Variants in CD163 observed in about 807,000 individuals in gnomAD.
CD163 encodes the protein CD163 molecule, also known as scavenger receptor cysteine-rich type 1 protein M130.
In CD163, 64 loss-of-function variants were observed where a neutral mutation model predicts 129.2. That is an observed-to-expected ratio of 0.50 (90% confidence interval 0.41 to 0.61). CD163 has a LOEUF of 0.61. Ranked by LOEUF, CD163 falls within the 20% of genes least tolerant of loss-of-function variation. CD163 has a pLI of 0.00. For missense variants in CD163, 1,061 were observed against 1,377.9 expected, an observed-to-expected ratio of 0.77 and a Z score of 3.64; for synonymous variants, 446 against 478.5, an observed-to-expected ratio of 0.93 and a Z score of 0.89.
intron 16 of CD163, among the ~76,000 whole-genome samples, chr12:7,477,459 C>T (rs931167739): frequency 4.7e-4 from 72 of 152,164 alleles, no homozygotes; most frequent in African/African-American, 1.7e-3. Flanking sequence ...AGCTGGAAAC[C>T]ATCATTCTCA....
intron 3 of CD163, among the ~76,000 whole-genome samples, chr12:7,500,762 G>A (rs144909033): frequency 3.3e-5 from 5 of 152,160 alleles, no homozygotes; most frequent in African/African-American, 1.2e-4. Flanking sequence ...AATAATTTGT[G>A]GGTCAACATA....
At chr12:7,480,839 A>T in intron 15 of CD163, 1 of 982,256 alleles carries the variant, frequency 1.0e-6, no homozygotes. Context: ...AAAAAAGTTA[A>T]ACTGTCACTT....
chr12:7,477,349 A>T (rs150471894), intron 16 of CD163, among the ~76,000 whole-genome samples: 1 of 152,236 alleles, frequency 6.6e-6, no homozygotes, highest in South Asian at 2.1e-4. Flanking sequence ...ATGCCCATCA[A>T]TGATAGACTG....
rs766987456 is a variant in CD163, at chr12:7,486,914, T to A, written c.2123A>T (p.Glu708Val). ...CTTACCTATGCAGGCCACAGCACTT[T>A]CTTCTGGAATGGTAGGCCTTGTTGG... ...LGPTRPTIPE[E>V]SAVACIESGQ... is the part of the protein sequence containing the mutation. Residue 708 changes from glutamate to valine, a missense_variant, in exon 9 of 17, where the codon GAA becomes GTA. Glu to Val is a moderately radical substitution (Grantham distance 121, BLOSUM62 -2). Transcript: ENST00000432237. 3 of 1,614,002 alleles carry A rather than the reference T, an allele frequency of 1.9e-6. No individual in the cohort carries two copies. The highest frequency in any genetic ancestry group is 2.7e-5 in the African/African-American group (2 of 74,950).
In CD163 at chr12:7,497,018, G is replaced by A. The variant is rs778516397; in HGVS notation, c.894C>T (p.Tyr298=). Residue 298 remains tyrosine, a synonymous_variant, in exon 5 of 17, where the codon TAC becomes TAT. Transcript: ENST00000432237. ...GTICDDGWDS[Y]DAAVACKQLG... ...GTTGCTTGCATGCCACAGCAGCATC[G>A]TAACTGTCCCAGCCGTCATCACATA... The A allele has an allele frequency of 6.7e-5, 108 of 1,613,922 alleles. No individual in the cohort carries two copies. Among genetic ancestry groups the A allele is most frequent in the Non-Finnish European group, 8.5e-5 (100 of 1,180,006 alleles).
chr12:7,497,142 G>T lies in CD163; in HGVS notation c.779-9C>A. ...GCTCAGATCTGCTCCCTCTGTAACA[G>T]AGACACACAACAGGTCTGCGATAAG... is the stretch of plus-strand genomic sequence containing the variant. On this transcript the variant is annotated splice_polypyrimidine_tract_variant and intron_variant, in intron 4 of 16. Transcript: ENST00000432237. The T allele has an allele frequency of 1.2e-6, 2 of 1,609,836 alleles. No homozygotes were observed. Among genetic ancestry groups the T allele is most frequent in the Non-Finnish European group, 1.7e-6 (2 of 1,177,950 alleles).
In CD163 at chr12:7,486,487, T is replaced by G; in HGVS notation, c.2458+12A>C. On this transcript the variant is annotated intron_variant, in intron 10 of 16. Transcript: ENST00000432237. Reference sequence around the variant, plus strand: ...TATGTAATTATGACCAAAGGTCATATGCATAATTTACCTGAGCAGATAACT... The same window carrying G: ...TATGTAATTATGACCAAAGGTCATAGGCATAATTTACCTGAGCAGATAACT... The G allele has an allele frequency of 6.2e-7, 1 of 1,608,534 alleles. No individual in the cohort carries two copies. The highest frequency in any genetic ancestry group is 8.5e-7 in the Non-Finnish European group (1 of 1,176,340).
intron 5 of CD163, among the ~76,000 whole-genome samples, chr12:7,495,612 G>A (rs1949389625): frequency 6.6e-6 from 1 of 152,162 alleles, no homozygotes; most frequent in African/African-American, 2.4e-5. Context: ...GTCAATGGCA[G>A]AAAGATATGA....
intron 15 of CD163, chr12:7,480,956 C>A (rs1306978497): frequency 1.6e-6 from 2 of 1,262,672 alleles, no homozygotes; most frequent in Non-Finnish European, 2.0e-6. Context: ...TAATCACAGG[C>A]CTCTTAAGCT....
In CD163 at chr12:7,485,090, A is replaced by G; in HGVS notation, c.2779+6T>C. On this transcript the variant is annotated splice_donor_region_variant and intron_variant, in intron 11 of 16. Transcript: ENST00000432237. This position sits in a 1 kb window ranked among gnomAD's most constrained non-coding sequence, Gnocchi z 4.5. ...GGAATTTTCATATAGGTCGATGGAT[A>G]CTCACTGTCACATGTGATCCAGGTC... The G allele has an allele frequency of 6.3e-7, 1 of 1,587,118 alleles. No individual in the cohort carries two copies. The highest frequency in any genetic ancestry group is 8.6e-7 in the Non-Finnish European group (1 of 1,164,738).
chr12:7,494,040 A>C (rs762102120), intron 6 of CD163, among the ~76,000 whole-genome samples: 40 of 152,206 alleles, frequency 2.6e-4, no homozygotes, highest in Non-Finnish European at 3.7e-4. Context: ...CAATTTATAC[A>C]ACATGCCACC....
rs375122329 is a variant in CD163 at position 7,485,665 on chromosome 12, A to G, written c.2459-249T>C. 6.6e-6 allele frequency among the ~76,000 whole-genome samples: 1 copy of G among 152,032 alleles called. No individual in the cohort carries two copies. Among genetic ancestry groups the G allele is most frequent in the South Asian group, 2.1e-4 (1 of 4,818 alleles). ...CAGAGTCCTCTTTAGATTACCCTCA[A>G]TCATTCTAATAGGCTTTTTTCAGTT... is the stretch of plus-strand genomic sequence containing the variant. On this transcript the variant is annotated intron_variant, in intron 10 of 16. Coordinates refer to ENST00000432237, the MANE Select transcript of CD163 (RefSeq NM_203416.4). The surrounding 1 kb of genome is among the most constrained non-coding windows in gnomAD (Gnocchi z 4.5).
At chr12:7,497,914 C>T (rs12315251) in intron 4 of CD163, among the ~76,000 whole-genome samples, 2,050 of 152,216 alleles carry the variant, frequency 0.013, 44 homozygotes, top group African/African-American at 0.047. Context: ...TGTAGGAGTT[C>T]CATTCATTGT....
In CD163 at chr12:7,496,538, T is replaced by G. The variant is rs1316789633; in HGVS notation, c.1099+275A>C. On this transcript the variant is annotated intron_variant, in intron 5 of 16. Coordinates refer to ENST00000432237, the MANE Select transcript of CD163 (RefSeq NM_203416.4). This position sits in a 1 kb window ranked among gnomAD's most constrained non-coding sequence, Gnocchi z 4.8. ...TTTAAAAACAGATTCCTAGGAAATT[T>G]TGTCTCTCTGAGCTCCAGGTAGATT... 6.6e-6 allele frequency among the ~76,000 whole-genome samples: 1 copy of G among 152,196 alleles called. No individual in the cohort carries two copies. The highest frequency in any genetic ancestry group is 1.5e-5 in the Non-Finnish European group (1 of 68,040).
At position 7,499,046 on chromosome 12, in the gene CD163, A is replaced by G. The variant is rs1388449129; in HGVS notation, c.600T>C (p.Leu200=). The G allele has an allele frequency of 1.9e-6, 3 of 1,614,160 alleles. No homozygotes were observed. The East Asian group carries it at 6.7e-5, about 36-fold the overall frequency. The stretch of plus-strand genomic sequence containing the variant: ...AGAAACTGACAGCACTTCCACATTC[A>G]AGTTGTCTACAAATGACAGATGCAT... ...IDHASVICRQ[L]ECGSAVSFSG... is the part of the protein sequence containing the mutation. Residue 200 remains leucine (L), a synonymous_variant, in exon 4 of 17, where the codon CTT becomes CTC. Coordinates refer to ENST00000432237, the MANE Select transcript of CD163 (RefSeq NM_203416.4).
At chr12:7,490,789 T>A (rs1331746851) in intron 6 of CD163, among the ~76,000 whole-genome samples, 1 of 152,040 alleles carries the variant, frequency 6.6e-6, no homozygotes, top group African/African-American at 2.4e-5. Flanking sequence ...CCATTATCCA[T>A]TAAATCTGCG....
At chr12:7,494,007 A>G (rs1347234163) in intron 6 of CD163, among the ~76,000 whole-genome samples, 1 of 152,220 alleles carries the variant, frequency 6.6e-6, no homozygotes, top group African/African-American at 2.4e-5. Context: ...AAATTTTACT[A>G]AGTGAATACT....
Position 7,498,766 on chromosome 12 carries a change from A to G in CD163, c.778+102T>C, listed in dbSNP as rs761126754. 192 of 1,143,700 alleles carry G rather than the reference A, an allele frequency of 1.7e-4. 2 individuals carry two copies. The South Asian group carries it at 2.8e-3, about 17-fold the overall frequency. 70.8% of individuals were successfully genotyped at this position (1,143,700 alleles called of 1,614,324 possible). A position where few individuals can be genotyped will look rare whatever the true frequency, so the allele number is the denominator to read the frequency against. ...TAGGTTAAAATGCGGTGACAAAAGA[A>G]GCAGACTTCATTATGTTCTTAAGAG... On this transcript the variant is annotated intron_variant, in intron 4 of 16. Transcript: ENST00000432237.
intron 15 of CD163, chr12:7,480,192 C>T (rs1316281344): frequency 2.1e-6 from 1 of 465,798 alleles, no homozygotes; most frequent in Admixed American, 4.3e-5. Flanking sequence ...AAATATGTTC[C>T]CTGACACAGT....
Sources: allele counts gnomAD v4.1 joint callset (sites outside exome capture counted in the v4.1 genomes callset), GRCh38; gene constraint gnomAD v4.1.1; non-coding constraint Gnocchi (gnomAD v3.1); transcripts MANE v1.5; gene names NCBI Gene and HGNC (gene_info 2026-07-23, HGNC 2026-07-21).